ARB2A: variants seen among roughly 807,000 people sequenced by gnomAD.
ARB2A encodes the protein ARB2 cotranscriptional regulator A.
chr5:93,979,064 C>T, the ARB2A span, among the ~76,000 whole-genome samples: 1 of 152,012 alleles, frequency 6.6e-6, no homozygotes, highest in East Asian at 1.9e-4. Flanking sequence ...CCCCACATAC[C>T]CTGTCTTCAT....
At chr5:93,898,249 C>T in the ARB2A span, among the ~76,000 whole-genome samples, 1 of 151,870 alleles carries the variant, frequency 6.6e-6, no homozygotes, top group East Asian at 1.9e-4. Flanking sequence ...TATGCATGAT[C>T]TTCCTGGATT....
the ARB2A span, among the ~76,000 whole-genome samples, chr5:93,801,009 A>G: frequency 6.6e-6 from 1 of 152,182 alleles, no homozygotes; most frequent in South Asian, 2.1e-4. Flanking sequence ...ATAAGTAAAA[A>G]GGTACAAATT....
At chr5:93,851,415 T>G in the ARB2A span, among the ~76,000 whole-genome samples, 1 of 152,202 alleles carries the variant, frequency 6.6e-6, no homozygotes, top group African/African-American at 2.4e-5. Flanking sequence ...CATAGAGATA[T>G]GAACAGCAGC....
At chr5:93,957,933 T>C in the ARB2A span, among the ~76,000 whole-genome samples, 1 of 151,792 alleles carries the variant, frequency 6.6e-6, no homozygotes. Flanking sequence ...GACTTTTTAC[T>C]TTTTACAAAA....
the ARB2A span, among the ~76,000 whole-genome samples, chr5:94,039,867 C>T: frequency 3.3e-5 from 5 of 152,014 alleles, no homozygotes; most frequent in African/African-American, 4.8e-5. Flanking sequence ...ACTGAAGAAC[C>T]ATCACCCCCC....
At chr5:93,697,426 T>C in the ARB2A span, among the ~76,000 whole-genome samples, 1 of 152,148 alleles carries the variant, frequency 6.6e-6, no homozygotes, top group Non-Finnish European at 1.5e-5. Context: ...AATTAAATAG[T>C]TAAATAATCT....
At chr5:93,958,747 A>G in the ARB2A span, 2 of 905,474 alleles carry the variant, frequency 2.2e-6, no homozygotes, top group East Asian at 3.7e-5. Flanking sequence ...ATAAAATGCC[A>G]AAAAAAAAAA....
the ARB2A span, among the ~76,000 whole-genome samples, chr5:93,880,850 G>A: frequency 6.6e-6 from 1 of 151,588 alleles, no homozygotes. Flanking sequence ...AAAGGACAGA[G>A]TTCCCTCATT....
the ARB2A span, among the ~76,000 whole-genome samples, chr5:93,633,654 C>T: frequency 5.9e-5 from 9 of 152,132 alleles, no homozygotes; most frequent in Non-Finnish European, 1.3e-4. Context: ...TATAGCAATG[C>T]CCAGGCCCAC....
At chr5:93,899,722 T>C in the ARB2A span, among the ~76,000 whole-genome samples, 1 of 152,212 alleles carries the variant, frequency 6.6e-6, no homozygotes, top group Non-Finnish European at 1.5e-5. Flanking sequence ...TAGGATAGTT[T>C]AATCACATGA....
At chr5:94,071,941 TA>T in the ARB2A span, among the ~76,000 whole-genome samples, 1 of 152,092 alleles carries the variant, frequency 6.6e-6, no homozygotes, top group Non-Finnish European at 1.5e-5. Context: ...TTATTTCTAA[TA>T]ATCAAAAACT....
chr5:93,853,022 C>T, the ARB2A span, among the ~76,000 whole-genome samples: 1 of 152,172 alleles, frequency 6.6e-6, no homozygotes, highest in Non-Finnish European at 1.5e-5. Flanking sequence ...ATGGGGATGG[C>T]ATTGGATCTA....
At chr5:93,664,376 G>A in the ARB2A span, among the ~76,000 whole-genome samples, 1 of 151,984 alleles carries the variant, frequency 6.6e-6, no homozygotes, top group Non-Finnish European at 1.5e-5. Flanking sequence ...ATTTTTTTAA[G>A]TATGTTAGAG....
the ARB2A span, among the ~76,000 whole-genome samples, chr5:93,677,298 ACT>A: frequency 6.6e-6 from 1 of 152,206 alleles, no homozygotes; most frequent in Non-Finnish European, 1.5e-5. Flanking sequence ...GCATTGAGTG[ACT>A]CTCTGACTGT....
At chr5:93,729,218 T>C in the ARB2A span, among the ~76,000 whole-genome samples, 1 of 152,128 alleles carries the variant, frequency 6.6e-6, no homozygotes, top group Non-Finnish European at 1.5e-5. Flanking sequence ...TCTTTGCTCC[T>C]TTCTTTGTGT....
chr5:94,054,988 T>C, the ARB2A span, among the ~76,000 whole-genome samples: 1 of 152,174 alleles, frequency 6.6e-6, no homozygotes, highest in Non-Finnish European at 1.5e-5. Flanking sequence ...CCTTACTTTC[T>C]ACTACTAAAA....
chr5:93,744,946 ACTG>A, the ARB2A span, among the ~76,000 whole-genome samples: 1 of 152,210 alleles, frequency 6.6e-6, no homozygotes, highest in African/African-American at 2.4e-5. Flanking sequence ...GAGAAGAGAA[ACTG>A]TCAGTAGAGC....
At chr5:93,982,624 C>T in the ARB2A span, among the ~76,000 whole-genome samples, 1 of 152,166 alleles carries the variant, frequency 6.6e-6, no homozygotes, top group Admixed American at 6.5e-5. Flanking sequence ...CTTTCAGAAA[C>T]TCAGATAGCA....
the ARB2A span, among the ~76,000 whole-genome samples, chr5:93,624,538 A>G: frequency 6.6e-6 from 1 of 152,186 alleles, no homozygotes; most frequent in Non-Finnish European, 1.5e-5. Flanking sequence ...TCAGTTTCCT[A>G]GTCTATAACA....
Sources: allele counts gnomAD v4.1 joint callset (sites outside exome capture counted in the v4.1 genomes callset), GRCh38; gene constraint gnomAD v4.1.1; transcripts MANE v1.5; gene names NCBI Gene and HGNC (gene_info 2026-07-23, HGNC 2026-07-21).